CRB1: variants seen among roughly 807,000 people sequenced by gnomAD.
CRB1 encodes the protein protein crumbs homolog 1.
A neutral mutation model predicts 120.0 loss-of-function variants in CRB1; 83 were observed. The ratio of observed to expected loss-of-function variants is 0.69; its 90% CI spans 0.58 to 0.83. The LOEUF (loss-of-function observed/expected upper bound fraction) is 0.83. Ranked by LOEUF, CRB1 falls within the 40% of genes least tolerant of loss-of-function variation. The pLI is 0.00. For synonymous variants in CRB1, 625 were observed against 612.5 expected (o/e 1.02, Z -0.30); for missense variants, 1,699 against 1,687.6 (o/e 1.01, Z -0.12).
the CRB1 span, among the ~76,000 whole-genome samples, chr1:197,256,652 A>G: frequency 6.6e-6 from 1 of 152,070 alleles, no homozygotes; most frequent in East Asian, 1.9e-4. Context: ...TGTTTTACAT[A>G]ATTTTTTACT....
chr1:197,367,976 A>G (rs1253431660), intron 5 of CRB1, among the ~76,000 whole-genome samples: 16 of 152,204 alleles, frequency 1.1e-4, no homozygotes, highest in Admixed American at 9.8e-4. Context: ...TTCAAGCACA[A>G]TGTTGCTAAA....
intron 1 of CRB1, among the ~76,000 whole-genome samples, chr1:197,308,914 A>AT (rs1657335690): frequency 6.6e-6 from 1 of 151,248 alleles, no homozygotes; most frequent in Non-Finnish European, 1.5e-5. Context: ...ATGTGGGTAT[A>AT]TATATGTGGG....
At chr1:197,371,649 A>G (rs567354852) in intron 5 of CRB1, among the ~76,000 whole-genome samples, 3 of 152,232 alleles carry the variant, frequency 2.0e-5, no homozygotes, top group Non-Finnish European at 2.9e-5. Context: ...TCAGGAAAAA[A>G]TGCACAACCA....
chr1:197,355,486 T>C (rs932032032), intron 4 of CRB1, among the ~76,000 whole-genome samples: 1 of 152,128 alleles, frequency 6.6e-6, no homozygotes, highest in South Asian at 2.1e-4. Flanking sequence ...TCAGGAGCCC[T>C]GGGGGATTGC....
At chr1:197,409,014 A>G (rs1663560917) in intron 5 of CRB1, among the ~76,000 whole-genome samples, 1 of 152,244 alleles carries the variant, frequency 6.6e-6, no homozygotes, top group Non-Finnish European at 1.5e-5. Flanking sequence ...CTTTCGTTTG[A>G]AGATCTCAGA....
intron 5 of CRB1, among the ~76,000 whole-genome samples, chr1:197,399,398 C>G (rs1188586601): frequency 6.6e-6 from 1 of 152,082 alleles, no homozygotes; most frequent in Non-Finnish European, 1.5e-5. Flanking sequence ...TGCAGCATTA[C>G]ACTGTTGGAA....
chr1:197,427,521 C>A lies in CRB1; in HGVS notation c.2196C>A (p.Ser732Arg). 6.2e-7 allele frequency: 1 copy of A among 1,613,778 alleles called. No homozygotes were observed. The highest frequency in any genetic ancestry group is 8.5e-7 in the Non-Finnish European group (1 of 1,179,902). The part of the protein sequence containing the change: ...TGYVIFTLDE[S>R]YGDTISLSMF... ...ATGTCATCTTTACTCTTGATGAGAG[C>A]TATGGAGACACCATCAGCCTCTCCA... Residue 732 changes from serine to arginine, a missense_variant, in exon 7 of 12, where the codon AGC becomes AGA. Coordinates refer to ENST00000367400, the MANE Select transcript of CRB1 (RefSeq NM_201253.3).
intron 1 of CRB1, among the ~76,000 whole-genome samples, chr1:197,286,567 A>T (rs1655838183): frequency 6.6e-6 from 1 of 151,908 alleles, no homozygotes; most frequent in Admixed American, 6.6e-5. Flanking sequence ...TTTCTGTCCA[A>T]ATTACCCTAA....
intron 4 of CRB1, among the ~76,000 whole-genome samples, chr1:197,349,487 G>T (rs1659965918): frequency 6.6e-6 from 1 of 151,996 alleles, no homozygotes; most frequent in Non-Finnish European, 1.5e-5. Flanking sequence ...ATTACTCAAG[G>T]CCTAGTTATA....
intron 1 of CRB1, among the ~76,000 whole-genome samples, chr1:197,313,883 C>T (rs527789761): frequency 9.2e-5 from 14 of 152,262 alleles, no homozygotes; most frequent in Admixed American, 3.9e-4. Flanking sequence ...CTTCAATAAA[C>T]GTGGGAGTGC....
intron 1 of CRB1, among the ~76,000 whole-genome samples, chr1:197,296,295 A>C (rs1439682930): frequency 6.6e-6 from 1 of 152,046 alleles, no homozygotes; most frequent in Non-Finnish European, 1.5e-5. Flanking sequence ...TGCAAGCCTC[A>C]CTTTCTTCAT....
chr1:197,392,473 T>A (rs1662555273), intron 5 of CRB1, among the ~76,000 whole-genome samples: 1 of 152,130 alleles, frequency 6.6e-6, no homozygotes, highest in Non-Finnish European at 1.5e-5. Context: ...ATAATTTTCA[T>A]CTTTCAATTC....
chr1:197,288,750 A>G (rs1276416553), intron 1 of CRB1, among the ~76,000 whole-genome samples: 1 of 151,808 alleles, frequency 6.6e-6, no homozygotes, highest in Non-Finnish European at 1.5e-5. Context: ...AGTGATTTGA[A>G]GACATAGCAA....
intron 5 of CRB1, among the ~76,000 whole-genome samples, chr1:197,363,615 C>T (rs947616440): frequency 1.3e-5 from 2 of 152,102 alleles, no homozygotes; most frequent in African/African-American, 4.8e-5. Context: ...GGAAGGCCGG[C>T]TCGGCAGGAA....
chr1:197,269,966 A>T (rs765478140), intron 1 of CRB1, among the ~76,000 whole-genome samples: 4 of 152,018 alleles, frequency 2.6e-5, no homozygotes, highest in Non-Finnish European at 5.9e-5. Context: ...TTGAAGTCTC[A>T]TTTTCTTCGA....
At chr1:197,276,879 T>C (rs1394387096) in intron 1 of CRB1, among the ~76,000 whole-genome samples, 1 of 151,914 alleles carries the variant, frequency 6.6e-6, no homozygotes, top group Non-Finnish European at 1.5e-5. Context: ...CTAGGGTACA[T>C]ACTAAAAACA....
the CRB1 span, among the ~76,000 whole-genome samples, chr1:197,245,265 A>G: frequency 1.3e-5 from 2 of 151,948 alleles, no homozygotes; most frequent in African/African-American, 2.4e-5. Flanking sequence ...TTTCTTTAAG[A>G]GGCTTTAAAA....
In CRB1 at chr1:197,356,987, T is replaced by A; in HGVS notation, c.1145T>A (p.Val382Asp). ...AGCTACCATGAAGCCTCAGGTTATG[T>A]CTGTATCTGTCAGCCTGGATTCACA... The part of the protein sequence containing the change: ...SFSYHEASGY[V>D]CICQPGFTGI... Residue 382 changes from valine to aspartate, a missense_variant, in exon 5 of 12, where the codon GTC (valine) becomes GAC (aspartate). Transcript: ENST00000367400. The A allele has an allele frequency of 6.2e-7, 1 of 1,614,204 alleles. No homozygotes were observed. Among genetic ancestry groups the A allele is most frequent in the Non-Finnish European group, 8.5e-7 (1 of 1,180,030 alleles).
rs111354584 is a variant in CRB1 at position 197,335,082 on chromosome 1, G to A, written c.652+6079G>A. On this transcript the variant is annotated intron_variant, in intron 2 of 11. Coordinates refer to ENST00000367400, the MANE Select transcript of CRB1 (RefSeq NM_201253.3). ...AGGAGAGGATGGGAACCAAGGAAAT[G>A]TCTTGTGGAATAGCATTCCAGGCAG... 7.2e-5 allele frequency among the ~76,000 whole-genome samples: 11 copies of A among 152,322 alleles called. No homozygotes were observed. The East Asian group carries it at 1.3e-3, about 19-fold the overall frequency.
Sources: gnomAD v4.1 joint callset for allele counts (sites outside exome capture counted in the v4.1 genomes callset) on GRCh38, gnomAD v4.1.1 for gene constraint, MANE v1.5 for transcripts, NCBI Gene and HGNC (gene_info 2026-07-23, HGNC 2026-07-21) for gene names.